The following TBC1D5 variants were observed in gnomAD, a reference collection of about 807,000 sequenced individuals.
TBC1D5 encodes TBC1 domain family, member 5.
TBC1D5 carries 75 observed loss-of-function variants against 100.3 expected under a neutral mutation model. The ratio of observed to expected loss-of-function variants is 0.75; its 90% CI spans 0.62 to 0.91. The LOEUF (loss-of-function observed/expected upper bound fraction) is 0.91. TBC1D5 is among the 40% of genes least tolerant of loss of function. The pLI is 0.00. For synonymous variants in TBC1D5, 323 were observed against 325.6 expected (o/e 0.99, Z 0.09); for missense variants, 910 against 942.4 (o/e 0.97, Z 0.45).
intron 8 of TBC1D5, among the ~76,000 whole-genome samples, chr3:17,385,181 C>T (rs942143182): frequency 1.3e-5 from 2 of 151,898 alleles, no homozygotes; most frequent in East Asian, 3.9e-4. Context: ...GTAAGAGCAC[C>T]AAGAACGGTG....
chr3:17,625,476 T>A (rs1405799782), intron 1 of TBC1D5, among the ~76,000 whole-genome samples: 1 of 152,068 alleles, frequency 6.6e-6, no homozygotes, highest in Non-Finnish European at 1.5e-5. Flanking sequence ...GATATTTAAT[T>A]TTTTTAAGGC....
intron 1 of TBC1D5, among the ~76,000 whole-genome samples, chr3:17,714,833 G>A (rs915308136): frequency 2.0e-5 from 3 of 152,088 alleles, no homozygotes; most frequent in Admixed American, 1.3e-4. Context: ...GTTACAACCT[G>A]ACTCAAGAAG....
chr3:17,513,309 G>A (rs1380526339), intron 2 of TBC1D5, among the ~76,000 whole-genome samples: 1 of 151,380 alleles, frequency 6.6e-6, no homozygotes, highest in Non-Finnish European at 1.5e-5. Flanking sequence ...TCCAGCCTGG[G>A]CGACAGAGCA....
chr3:17,617,829 C>T (rs748066370), intron 2 of TBC1D5, among the ~76,000 whole-genome samples: 1 of 152,092 alleles, frequency 6.6e-6, no homozygotes, highest in Non-Finnish European at 1.5e-5. Context: ...AGCTTCCTTG[C>T]GATGTGTTAG....
chr3:17,161,324 C>T (rs1016551155), intron 21 of TBC1D5, 68 bp from the exon 23 acceptor site: 133 of 1,510,836 alleles, frequency 8.8e-5, no homozygotes, highest in Non-Finnish European at 1.6e-5. Flanking sequence ...GTGGAAGGCC[C>T]TGTGAACTGG....
At chr3:17,410,337 AC>A (rs1420024963) in intron 4 of TBC1D5, among the ~76,000 whole-genome samples, 1 of 152,186 alleles carries the variant, frequency 6.6e-6, no homozygotes, top group Non-Finnish European at 1.5e-5. Context: ...CTGACAATAC[AC>A]CTCATCACCC....
intron 1 of TBC1D5, among the ~76,000 whole-genome samples, chr3:17,682,857 C>A (rs1473514114): frequency 5.9e-5 from 9 of 151,436 alleles, no homozygotes; most frequent in Non-Finnish European, 2.9e-5. Context: ...TAGTACCCTA[C>A]CGGTCACATA....
intron 3 of TBC1D5, among the ~76,000 whole-genome samples, chr3:17,479,226 C>A (rs2095473079): frequency 6.6e-6 from 1 of 151,912 alleles, no homozygotes; most frequent in South Asian, 2.1e-4. Flanking sequence ...GTACTGAGAC[C>A]CTGTCTCTAC....
rs181373593 is a variant in TBC1D5, at chr3:17,416,261, C to T, written c.168-9735G>A. 2.3e-3 allele frequency among the ~76,000 whole-genome samples: 350 copies of T among 152,320 alleles called. 1 individual carries two copies. Among genetic ancestry groups the T allele is most frequent in the African/African-American group, 8.1e-3 (337 of 41,576 alleles). On this transcript the variant is annotated intron_variant, in intron 4 of 21. Coordinates refer to ENST00000253692, the Ensembl canonical transcript of TBC1D5. ...TTTCCGAGATGACAGAAATGTTCTA[C>T]ATCTGACTCCCCAATATGGTAAGCA...
At chr3:17,664,298 A>C (rs894081082) in intron 1 of TBC1D5, among the ~76,000 whole-genome samples, 7 of 152,134 alleles carry the variant, frequency 4.6e-5, no homozygotes, top group Non-Finnish European at 1.0e-4. Context: ...TCTCAATCTC[A>C]TGACCTCGTA....
In TBC1D5 at chr3:17,580,942, C is replaced by T. The variant is rs116703218; in HGVS notation, c.-36+42907G>A. ...GTCTTCTCTATCTATATTTACTGTA[C>T]TGCATCAATGTTACATCTTGATATG... On this transcript the variant is annotated intron_variant, in intron 2 of 21. Transcript: ENST00000253692. Among the ~76,000 whole-genome samples, 210 of 152,300 alleles carry T rather than the reference C, an allele frequency of 1.4e-3. 1 individual carries two copies. Among genetic ancestry groups the T allele is most frequent in the African/African-American group, 4.7e-3 (195 of 41,558 alleles).
At chr3:17,398,871 A>C (rs959149546) in intron 8 of TBC1D5, among the ~76,000 whole-genome samples, 5 of 152,138 alleles carry the variant, frequency 3.3e-5, no homozygotes, top group African/African-American at 1.2e-4. Context: ...GATGGACCTA[A>C]ATAAATAAAA....
At chr3:17,464,343 A>G (rs146984253) in intron 3 of TBC1D5, among the ~76,000 whole-genome samples, 1 of 152,284 alleles carries the variant, frequency 6.6e-6, no homozygotes, top group Admixed American at 6.5e-5. Context: ...CACACGCTTA[A>G]AGCTCAAAAT....
chr3:17,293,340 AT>A (rs768667647), intron 14 of TBC1D5, among the ~76,000 whole-genome samples: 33 of 152,338 alleles, frequency 2.2e-4, no homozygotes, highest in Admixed American at 7.2e-4. Flanking sequence ...TTAAGACTTA[AT>A]CAATTCACCT....
chr3:17,553,046 T>C lies in TBC1D5; in HGVS notation c.-35-44441A>G, dbSNP rs555748890. On this transcript the variant is annotated intron_variant, in intron 2 of 21. Transcript: ENST00000253692. ...TACAAACTCAGTAAAAAATACAAAA[T>C]TGACTACATGATAGGTGTTTACTCT... is the stretch of plus-strand genomic sequence containing the variant. 2.1e-4 allele frequency among the ~76,000 whole-genome samples: 32 copies of C among 152,202 alleles called. 2 individuals are homozygous for C. In the South Asian group the frequency reaches 4.4e-3, roughly 21 times the overall value.
rs79737829 is a variant in TBC1D5 at position 17,177,593 on chromosome 3, A to C, written c.1852+7516T>G. Among the ~76,000 whole-genome samples the C allele has an allele frequency of 5.4e-3, 826 of 152,322 alleles. 13 individuals are homozygous for C. The East Asian group carries it at 0.072, about 13-fold the overall frequency. On this transcript the variant is annotated intron_variant, in intron 19 of 21. Coordinates refer to ENST00000253692, the Ensembl canonical transcript of TBC1D5. ...ATATTAGCTGAATCATGTCTAAATAATTTAAGTTCTCTTACTCCTTACTGC... is the reference window on the plus strand; with the variant it reads ...ATATTAGCTGAATCATGTCTAAATACTTTAAGTTCTCTTACTCCTTACTGC...
chr3:17,162,079 A>C (rs939951478), intron 21 of TBC1D5, among the ~76,000 whole-genome samples: 5 of 152,244 alleles, frequency 3.3e-5, no homozygotes, highest in Admixed American at 2.0e-4. Context: ...TCGGTTAGCA[A>C]AGCCAAAGTT....
At chr3:17,638,079 A>G (rs1206557942) in intron 1 of TBC1D5, among the ~76,000 whole-genome samples, 3 of 152,080 alleles carry the variant, frequency 2.0e-5, no homozygotes, top group Non-Finnish European at 4.4e-5. Context: ...AGTACTTTTT[A>G]CTTTATTCTT....
At chr3:17,178,659 T>C (rs1047433171) in intron 19 of TBC1D5, among the ~76,000 whole-genome samples, 5 of 152,148 alleles carry the variant, frequency 3.3e-5, no homozygotes, top group Admixed American at 2.0e-4. Flanking sequence ...TTTTATTTAT[T>C]TTATTTTTTT....
Sources: allele counts gnomAD v4.1 joint callset (sites outside exome capture counted in the v4.1 genomes callset), GRCh38; gene constraint gnomAD v4.1.1; transcripts MANE v1.5; gene names NCBI Gene and HGNC (gene_info 2026-07-23, HGNC 2026-07-21).